Variants in MAN1A1 observed in about 807,000 individuals in gnomAD.
MAN1A1 encodes the protein mannosidase alpha class 1A member 1, also known as mannosyl-oligosaccharide 1,2-alpha-mannosidase IA.
MAN1A1 carries 29 observed loss-of-function variants against 70.8 expected under a neutral mutation model. The observed-to-expected ratio is 0.41, with a 90% CI of 0.31 to 0.56. The LOEUF (loss-of-function observed/expected upper bound fraction) is 0.56, where lower values mean the gene tolerates loss of function less well. MAN1A1 is among the 20% of genes least tolerant of loss of function. The pLI, the probability that MAN1A1 is intolerant of heterozygous loss-of-function variation, is 0.29. For missense variants in MAN1A1, 747 were observed against 841.3 expected, an observed-to-expected ratio of 0.89 and a Z score of 1.39; for synonymous variants, 349 against 330.1, an observed-to-expected ratio of 1.06 and a Z score of -0.62.
rs1294962630 is a variant in MAN1A1, at chr6:119,348,985, G to A, written c.81C>T (p.Gly27=). Residue 27 remains glycine (G), a synonymous_variant, in exon 2 of 13, where the codon GGC becomes GGT. Transcript: ENST00000368468. ...VLGGGLGGGG[G]RKGSGPAALR... is the part of the protein sequence containing the mutation. ...GGGCGGCGGGGCCCGACCCCTTCCT[G>A]CCACCGCCGCCGCCGAGCCCCCCGC... 4 of 1,454,866 alleles carry A rather than the reference G, an allele frequency of 2.7e-6. No individual in the cohort carries two copies. Among genetic ancestry groups the A allele is most frequent in the Non-Finnish European group, 3.6e-6 (4 of 1,101,404 alleles). 90.1% of individuals were successfully genotyped at this position (1,454,866 alleles called of 1,614,324 possible).
In MAN1A1 at chr6:119,349,539, C is replaced by T; in HGVS notation, c.-223+3G>A. The T allele has an allele frequency of 1.0e-6, 1 of 986,228 alleles. No individual in the cohort carries two copies. Among genetic ancestry groups the T allele is most frequent in the Non-Finnish European group, 1.2e-6 (1 of 830,284 alleles). 61.1% of individuals were successfully genotyped at this position (986,228 alleles called of 1,614,324 possible). On this transcript the variant is annotated splice_donor_region_variant and intron_variant, in intron 1 of 12. Coordinates refer to ENST00000368468, the MANE Select transcript of MAN1A1 (RefSeq NM_005907.4). ...GCGAGCACCTCGGGGAGGGGCAGCG[C>T]ACCTCTGGGCAGGAGGGGCGCAGCG...
intron 6 of MAN1A1, among the ~76,000 whole-genome samples, chr6:119,205,727 A>G (rs1473053061): frequency 6.6e-6 from 1 of 152,262 alleles, no homozygotes; most frequent in Non-Finnish European, 1.5e-5. Context: ...AGATGTGGTA[A>G]TTCAAAAGAA....
intron 2 of MAN1A1, among the ~76,000 whole-genome samples, chr6:119,325,664 G>A (rs1773127711): frequency 6.6e-6 from 1 of 152,012 alleles, no homozygotes; most frequent in South Asian, 2.1e-4. Flanking sequence ...GGGGGCAGGG[G>A]GATGTGGATT....
chr6:119,231,452 T>A (rs537502897), intron 6 of MAN1A1, among the ~76,000 whole-genome samples: 170 of 152,316 alleles, frequency 1.1e-3, no homozygotes, highest in African/African-American at 3.9e-3. Context: ...TCCCCAGCAA[T>A]GCGGAACTGT....
At chr6:119,189,298 G>C (rs771137974) in intron 10 of MAN1A1, among the ~76,000 whole-genome samples, 2 of 151,948 alleles carry the variant, frequency 1.3e-5, no homozygotes, top group Non-Finnish European at 2.9e-5. Flanking sequence ...GAAGGGAGTG[G>C]GATTCATGAT....
In MAN1A1 at chr6:119,294,688, A is replaced by G. The variant is rs150761033; in HGVS notation, c.817-3925T>C. 6.7e-3 allele frequency among the ~76,000 whole-genome samples: 1,020 copies of G among 152,254 alleles called. 7 individuals are homozygous for G. The highest frequency in any genetic ancestry group is 0.023 in the African/African-American group (968 of 41,554). ...TGGAAGTTTTTGGTTAAGACCAACC[A>G]ATAAAAAAATCAGAATTGGAGAAAT... On this transcript the variant is annotated intron_variant, in intron 4 of 12. Coordinates refer to ENST00000368468, the MANE Select transcript of MAN1A1 (RefSeq NM_005907.4).
In MAN1A1 at chr6:119,305,708, T is replaced by C. The variant is rs758658611; in HGVS notation, c.700+1188A>G. On this transcript the variant is annotated intron_variant, in intron 3 of 12. Coordinates refer to ENST00000368468, the MANE Select transcript of MAN1A1 (RefSeq NM_005907.4). ...CCTCAGAATTTCATGGAAGTATATA[T>C]TGAACCACCTGGCGCATTGATAAAT... Among the ~76,000 whole-genome samples, 5 of 152,188 alleles carry C rather than the reference T, an allele frequency of 3.3e-5. No homozygotes were observed. The South Asian group carries it at 8.3e-4, about 25-fold the overall frequency.
intron 6 of MAN1A1, among the ~76,000 whole-genome samples, chr6:119,222,522 T>C (rs985534225): frequency 2.6e-5 from 4 of 152,006 alleles, no homozygotes; most frequent in Non-Finnish European, 5.9e-5. Context: ...AGACAAGGTC[T>C]TGCTATGTTG....
chr6:119,218,349 C>T (rs757649723), intron 6 of MAN1A1, among the ~76,000 whole-genome samples: 1 of 151,670 alleles, frequency 6.6e-6, no homozygotes, highest in Non-Finnish European at 1.5e-5. Flanking sequence ...TTATTTTTTC[C>T]TAATTAGGTT....
At chr6:119,310,265 A>G (rs1427308351) in intron 2 of MAN1A1, among the ~76,000 whole-genome samples, 2 of 152,200 alleles carry the variant, frequency 1.3e-5, no homozygotes, top group Non-Finnish European at 2.9e-5. Flanking sequence ...CATTTGCTGA[A>G]GTTTTAAACA....
At chr6:119,228,143 T>C (rs1363700538) in intron 6 of MAN1A1, among the ~76,000 whole-genome samples, 1 of 152,234 alleles carries the variant, frequency 6.6e-6, no homozygotes, top group Non-Finnish European at 1.5e-5. Context: ...GAAAGGGATA[T>C]GGTTCAGAGA....
chr6:119,239,277 G>A (rs1582725810), intron 6 of MAN1A1, among the ~76,000 whole-genome samples: 1 of 152,278 alleles, frequency 6.6e-6, no homozygotes, highest in East Asian at 1.9e-4. Flanking sequence ...TCACCAAATT[G>A]CACTGCCTGT....
At chr6:119,268,634 T>G (rs946456557) in intron 5 of MAN1A1, among the ~76,000 whole-genome samples, 1 of 152,042 alleles carries the variant, frequency 6.6e-6, no homozygotes, top group Non-Finnish European at 1.5e-5. Flanking sequence ...TCACCCAGGT[T>G]GAAGTGTAGT....
At chr6:119,270,033 T>C (rs1048201447) in intron 5 of MAN1A1, among the ~76,000 whole-genome samples, 2 of 152,202 alleles carry the variant, frequency 1.3e-5, no homozygotes, top group African/African-American at 2.4e-5. Flanking sequence ...AAACTCAAAA[T>C]TCTCATTTTT....
Position 119,178,764 on chromosome 6 carries a change from T to C in MAN1A1, c.*1055A>G, listed in dbSNP as rs1278649908. 3 of 152,146 alleles carry C rather than the reference T, an allele frequency of 2.0e-5. 1 individual carries two copies. Among genetic ancestry groups the C allele is most frequent in the Non-Finnish European group, 4.4e-5 (3 of 67,976 alleles). The allele number at this position is 152,146 out of a possible 1,614,324, so 9.4% of individuals were successfully genotyped here. On this transcript the variant is annotated 3_prime_UTR_variant, in exon 13 of 13. Coordinates refer to ENST00000368468, the MANE Select transcript of MAN1A1 (RefSeq NM_005907.4). ...ATAAGTAAAATTGGCAAAGCTTCTT[T>C]CAGAGTCAAATCCTGCTTTCACAAA... is the stretch of plus-strand genomic sequence containing the variant.
At chr6:119,188,275 C>A in intron 11 of MAN1A1, 130 bp downstream of exon 11, 1 of 814,794 alleles carries the variant, frequency 1.2e-6, no homozygotes, top group Non-Finnish European at 1.9e-6. Context: ...AATACACAGT[C>A]CTGGGTGGAA....
chr6:119,338,503 T>C (rs1773521983), intron 2 of MAN1A1, among the ~76,000 whole-genome samples: 1 of 152,252 alleles, frequency 6.6e-6, no homozygotes, highest in African/African-American at 2.4e-5. Flanking sequence ...GGAAATCTCA[T>C]GATTTCCTTT....
chr6:119,214,201 T>C (rs1226747842), intron 6 of MAN1A1, among the ~76,000 whole-genome samples: 2 of 152,076 alleles, frequency 1.3e-5, no homozygotes, highest in East Asian at 3.9e-4. Context: ...CCTGACCTCG[T>C]GATCTGCCCA....
intron 5 of MAN1A1, among the ~76,000 whole-genome samples, chr6:119,256,004 A>C (rs1463757814): frequency 6.6e-6 from 1 of 152,208 alleles, no homozygotes; most frequent in Non-Finnish European, 1.5e-5. Context: ...TTCAATTTTT[A>C]GCCTTCAGGC....
Sources: gnomAD v4.1 joint callset for allele counts (sites outside exome capture counted in the v4.1 genomes callset) on GRCh38, gnomAD v4.1.1 for gene constraint, MANE v1.5 for transcripts, NCBI Gene and HGNC (gene_info 2026-07-23, HGNC 2026-07-21) for gene names.